CPS1: variants seen among roughly 807,000 people sequenced by gnomAD.
CPS1 encodes the protein carbamoyl-phosphate synthase 1.
In CPS1, 109 loss-of-function variants were observed where a neutral mutation model predicts 174.6. The observed-to-expected ratio is 0.62, with a 90% CI of 0.53 to 0.73. CPS1 has a LOEUF of 0.73. Among genes scored for constraint, CPS1 ranks in the 30% least tolerant of loss-of-function variants. The pLI, the probability that CPS1 is intolerant of heterozygous loss-of-function variation, is 0.00. For missense variants in CPS1, 1,689 were observed against 1,821.9 expected, an observed-to-expected ratio of 0.93 and a Z score of 1.33; for synonymous variants, 637 against 632.0, an observed-to-expected ratio of 1.01 and a Z score of -0.12.
intron 20 of CPS1, among the ~76,000 whole-genome samples, chr2:210,615,371 C>G (rs1699273171): frequency 6.6e-6 from 1 of 151,898 alleles, no homozygotes; most frequent in Non-Finnish European, 1.5e-5. Flanking sequence ...TTACTCTAGT[C>G]AACAAAATTA....
At chr2:210,528,786 G>A (rs1696039931) in intron 1 of CPS1, among the ~76,000 whole-genome samples, 1 of 146,464 alleles carries the variant, frequency 6.8e-6, no homozygotes, top group Non-Finnish European at 1.5e-5. Flanking sequence ...TTGAAATAGA[G>A]TACAGTTAGT....
Position 210,489,266 on chromosome 2 carries a change from A to G in CPS1, c.3+11500A>G, listed in dbSNP as rs559031117. Among the ~76,000 whole-genome samples, 4 of 152,238 alleles carry G rather than the reference A, an allele frequency of 2.6e-5. No individual in the cohort carries two copies. The South Asian group carries it at 8.3e-4, about 32-fold the overall frequency. ...TCTTCTCTCCTATCTCCTAATGGAT[A>G]CTCTTTGTACCTAGGGTCAGTCTGA... On this transcript the variant is annotated intron_variant, in intron 1 of 38. Coordinates refer to the CPS1 transcript ENST00000430249.
intron 1 of CPS1, among the ~76,000 whole-genome samples, chr2:210,569,504 T>A (rs1188809106): frequency 6.6e-6 from 1 of 152,098 alleles, no homozygotes; most frequent in Non-Finnish European, 1.5e-5. Context: ...TATCTTTGTA[T>A]TTCCACGTAT....
At chr2:210,507,361 A>G (rs10176675) in intron 1 of CPS1, among the ~76,000 whole-genome samples, 92,880 of 151,992 alleles carry the variant, frequency 0.61, 28,773 homozygotes, top group South Asian at 0.68. Flanking sequence ...CTGCCCTAAA[A>G]GAGCTCCTGA....
At chr2:210,562,934 G>C (rs1449517075) in intron 1 of CPS1, among the ~76,000 whole-genome samples, 1 of 150,594 alleles carries the variant, frequency 6.6e-6, no homozygotes, top group African/African-American at 2.4e-5. Context: ...TTTACAGGCA[G>C]AACATTTTAG....
rs541101237 is a variant in CPS1 at position 210,638,284 on chromosome 2, C to T, written c.2829+441C>T. Among the ~76,000 whole-genome samples the T allele has an allele frequency of 2.0e-5, 3 of 151,840 alleles. No individual in the cohort carries two copies. The South Asian group carries it at 6.3e-4, about 32-fold the overall frequency. The stretch of plus-strand genomic sequence containing the variant: ...CAGGGTAATACTTTATATTAAGTGC[C>T]CCATGATTATGGTTCATTTAGTATT... On this transcript the variant is annotated intron_variant, in intron 22 of 37. Coordinates refer to ENST00000233072, the MANE Select transcript of CPS1 (RefSeq NM_001875.5).
intron 13 of CPS1, among the ~76,000 whole-genome samples, chr2:210,595,896 ATATACT>A (rs1337387171): frequency 2.6e-5 from 4 of 151,908 alleles, no homozygotes; most frequent in Non-Finnish European, 5.9e-5. Flanking sequence ...AGTTTTTCAA[ATATACT>A]TATCTTTTAT....
At chr2:210,600,526 A>G in intron 14 of CPS1, 29 bp from the exon 15 acceptor site, 1 of 1,609,696 alleles carries the variant, frequency 6.2e-7, no homozygotes, top group African/African-American at 1.3e-5. Context: ...CAAGATTTTA[A>G]AAACTAATCC....
Position 210,637,826 on chromosome 2 carries a change from C to T in CPS1, c.2812C>T (p.His938Tyr). Residue 938 changes from histidine to tyrosine, a missense_variant, in exon 22 of 38, where the codon CAC becomes TAC. By Grantham distance (83) the His-to-Tyr change is moderately conservative. Transcript: ENST00000233072. ...TRELRLKKNI[H>Y]PWVKQIDTLA... Reference sequence around the variant, plus strand: ...GGAGCTGAGGTTAAAGAAAAACATCCACCCTTGGGTTAAACAGGTAAAGGA... The same window carrying T: ...GGAGCTGAGGTTAAAGAAAAACATCTACCCTTGGGTTAAACAGGTAAAGGA... 1.9e-6 allele frequency: 3 copies of T among 1,613,912 alleles called. No individual in the cohort carries two copies. The highest frequency in any genetic ancestry group is 2.5e-6 in the Non-Finnish European group (3 of 1,179,866).
rs534024735 is a variant in CPS1 at position 210,664,558 on chromosome 2, C to T, written c.4002+1361C>T. On this transcript the variant is annotated intron_variant, in intron 33 of 37. Coordinates refer to ENST00000233072, the MANE Select transcript of CPS1 (RefSeq NM_001875.5). The stretch of plus-strand genomic sequence containing the variant: ...TTCTCCATGTGGGTCAGGCTGGTCT[C>T]GAACTCCTGACCTCAGGTGATCCGC... 7.9e-5 allele frequency among the ~76,000 whole-genome samples: 12 copies of T among 152,208 alleles called. No individual in the cohort carries two copies. The East Asian group carries it at 1.9e-3, about 25-fold the overall frequency.
intron 1 of CPS1, among the ~76,000 whole-genome samples, chr2:210,505,004 G>A (rs113277744): frequency 0.015 from 2,302 of 151,930 alleles, 24 homozygotes; most frequent in African/African-American, 0.037. Context: ...GCTTTTTCTC[G>A]TTGGTCATAC....
chr2:210,634,994 A>G (rs1195149802), intron 21 of CPS1, among the ~76,000 whole-genome samples: 9 of 152,086 alleles, frequency 5.9e-5, no homozygotes, highest in Admixed American at 5.9e-4. Flanking sequence ...TCTGAGCTGG[A>G]GTGCAGTGGC....
chr2:210,581,182 G>A (rs1467055005), intron 5 of CPS1, among the ~76,000 whole-genome samples: 7 of 152,100 alleles, frequency 4.6e-5, no homozygotes, highest in African/African-American at 7.2e-5. Context: ...AAGCAATGAC[G>A]AGGCTATGAG....
intron 37 of CPS1, 29 bp from the exon 38 acceptor site, chr2:210,677,858 G>C (rs759434758): frequency 6.7e-7 from 1 of 1,499,994 alleles, no homozygotes; most frequent in African/African-American, 1.4e-5. Flanking sequence ...TCTCATGGAG[G>C]GTGCTGATTC....
chr2:210,537,942 C>G (rs938102832), intron 1 of CPS1, among the ~76,000 whole-genome samples: 1 of 152,074 alleles, frequency 6.6e-6, no homozygotes, highest in Non-Finnish European at 1.5e-5. Context: ...ATGTGTATAT[C>G]CTCTGCTATA....
chr2:210,663,277 T>G (rs7567836), intron 33 of CPS1, 80 bp downstream of exon 33: 1 of 1,353,334 alleles, frequency 7.4e-7, no homozygotes, highest in South Asian at 1.2e-5. Context: ...TACAGTAAAA[T>G]AAAGGGAATA....
chr2:210,625,684 A>C (rs907896043), intron 21 of CPS1, among the ~76,000 whole-genome samples: 1 of 152,110 alleles, frequency 6.6e-6, no homozygotes, highest in Non-Finnish European at 1.5e-5. Context: ...AGACACTTTC[A>C]AGAGGATTGC....
At chr2:210,537,108 A>T (rs1696276690) in intron 1 of CPS1, among the ~76,000 whole-genome samples, 1 of 152,236 alleles carries the variant, frequency 6.6e-6, no homozygotes, top group South Asian at 2.1e-4. Context: ...ACATGCTGAT[A>T]AGCTCCAGAA....
chr2:210,624,817 G>A (rs1184290580), intron 21 of CPS1, among the ~76,000 whole-genome samples: 1 of 151,964 alleles, frequency 6.6e-6, no homozygotes, highest in Non-Finnish European at 1.5e-5. Flanking sequence ...AAGGTTTTCA[G>A]AGTAATATTC....
Sources: allele counts gnomAD v4.1 joint callset (sites outside exome capture counted in the v4.1 genomes callset), GRCh38; gene constraint gnomAD v4.1.1; transcripts MANE v1.5; gene names NCBI Gene and HGNC (gene_info 2026-07-23, HGNC 2026-07-21).